LRRC7: variants seen among roughly 807,000 people sequenced by gnomAD.
The protein encoded by LRRC7 is leucine rich repeat containing 7, also known as leucine-rich repeat-containing protein 7.
In LRRC7, 23 loss-of-function variants were observed where a neutral mutation model predicts 175.7. The observed-to-expected ratio is 0.13, with a 90% confidence interval of 0.09 to 0.19. The LOEUF is 0.19. Ranked by LOEUF, LRRC7 falls within the 10% of genes least tolerant of loss-of-function variation. The pLI is 1.00. For missense variants in LRRC7, 1,354 were observed against 1,904.7 expected, an observed-to-expected ratio of 0.71 and a Z score of 5.38; for synonymous variants, 685 against 680.9, an observed-to-expected ratio of 1.01 and a Z score of -0.09.
chr1:69,856,243 G>C (rs1046912619), intron 7 of LRRC7, among the ~76,000 whole-genome samples: 1 of 151,942 alleles, frequency 6.6e-6, no homozygotes, highest in African/African-American at 2.4e-5. Context: ...GCTAGCAGAA[G>C]GTAAGAAATA....
chr1:69,927,732 A>G (rs1647131703), intron 7 of LRRC7, among the ~76,000 whole-genome samples: 1 of 152,102 alleles, frequency 6.6e-6, no homozygotes, highest in African/African-American at 2.4e-5. Flanking sequence ...AAAATTTTTA[A>G]CTTCTTTGCC....
chr1:69,845,640 T>A (rs1288786572), intron 7 of LRRC7, among the ~76,000 whole-genome samples: 5 of 152,112 alleles, frequency 3.3e-5, no homozygotes, highest in African/African-American at 1.2e-4. Flanking sequence ...AAGTCATGTT[T>A]CCATTCTCAT....
intron 7 of LRRC7, among the ~76,000 whole-genome samples, chr1:69,886,169 C>A (rs1176487734): frequency 6.6e-6 from 1 of 151,786 alleles, no homozygotes; most frequent in African/African-American, 2.4e-5. Flanking sequence ...TCCTGGGTAT[C>A]CTTGTTAACT....
intron 1 of LRRC7, among the ~76,000 whole-genome samples, chr1:69,654,464 C>G (rs1189001867): frequency 1.3e-5 from 2 of 151,902 alleles, no homozygotes; most frequent in Admixed American, 6.6e-5. Context: ...CCTGATAGAG[C>G]CTTGCTTCCA....
intron 1 of LRRC7, among the ~76,000 whole-genome samples, chr1:69,569,803 G>A (rs1198692326): frequency 2.0e-5 from 3 of 150,072 alleles, no homozygotes; most frequent in Non-Finnish European, 2.9e-5. Flanking sequence ...GCTCGAGGCA[G>A]AGAAGAGACG....
intron 25 of LRRC7, among the ~76,000 whole-genome samples, chr1:70,104,594 A>G (rs1665020901): frequency 1.3e-5 from 2 of 152,180 alleles, no homozygotes; most frequent in Non-Finnish European, 2.9e-5. Context: ...TTAGTTAATG[A>G]AGCTTATTGA....
chr1:70,012,075 A>G (rs1037554145), intron 12 of LRRC7, 149 bp downstream of exon 12: 6 of 457,740 alleles, frequency 1.3e-5, no homozygotes, highest in Admixed American at 4.0e-5. Context: ...TAATTATTCT[A>G]TTTTAAATGA....
At chr1:69,725,250 A>C (rs1666820180) in intron 2 of LRRC7, among the ~76,000 whole-genome samples, 1 of 152,080 alleles carries the variant, frequency 6.6e-6, no homozygotes, top group African/African-American at 2.4e-5. Context: ...CACATTGAGT[A>C]GGGGGAGGAG....
intron 23 of LRRC7, among the ~76,000 whole-genome samples, chr1:70,055,911 T>C (rs1661114201): frequency 6.6e-6 from 1 of 152,144 alleles, no homozygotes; most frequent in Admixed American, 6.5e-5. Flanking sequence ...CAAAACAATC[T>C]TGTGATTGGA....
intron 2 of LRRC7, among the ~76,000 whole-genome samples, chr1:69,694,714 TG>T (rs1662338746): frequency 6.9e-6 from 1 of 143,992 alleles, no homozygotes; most frequent in Non-Finnish European, 1.5e-5. Flanking sequence ...GAGATCTGGT[TG>T]TTTAAAAGAG....
At chr1:70,095,039 C>T (rs926987222) in intron 25 of LRRC7, among the ~76,000 whole-genome samples, 1 of 152,214 alleles carries the variant, frequency 6.6e-6, no homozygotes, top group South Asian at 2.1e-4. Context: ...TGTGCAGCTA[C>T]TAGACAAATA....
intron 23 of LRRC7, among the ~76,000 whole-genome samples, chr1:70,062,958 A>G (rs1661695307): frequency 1.3e-5 from 2 of 152,136 alleles, no homozygotes; most frequent in African/African-American, 4.8e-5. Flanking sequence ...TGAATAAAAT[A>G]TTGTTTAATT....
chr1:69,726,293 T>C (rs1666969976), intron 2 of LRRC7, among the ~76,000 whole-genome samples: 1 of 151,926 alleles, frequency 6.6e-6, no homozygotes, highest in African/African-American at 2.4e-5. Flanking sequence ...GAGGAAAGAG[T>C]TTCCTTGAAA....
rs189241451 is a variant in LRRC7, at chr1:69,758,617, G to A, written c.101-1574G>A. Among the ~76,000 whole-genome samples, 24 of 152,036 alleles carry A rather than the reference G, an allele frequency of 1.6e-4. 1 individual carries two copies. Among genetic ancestry groups the A allele is most frequent in the Admixed American group, 1.2e-3 (18 of 15,232 alleles). ...TTATTTCATCACCCAGATAATGAACGTAATACCCAACAGGTAGTTTTTTGA... is the reference window on the plus strand; with the variant it reads ...TTATTTCATCACCCAGATAATGAACATAATACCCAACAGGTAGTTTTTTGA... On this transcript the variant is annotated intron_variant, in intron 2 of 26. Transcript: ENST00000651989.
At position 69,924,278 on chromosome 1, in the gene LRRC7, C is replaced by T. The variant is rs914446107; in HGVS notation, c.648-7229C>T. On this transcript the variant is annotated intron_variant, in intron 7 of 26. Coordinates refer to ENST00000651989, the MANE Select transcript of LRRC7 (RefSeq NM_001370785.2). Reference sequence around the variant, plus strand: ...TTCTTTTGGCTTAGGATTGCCTTGGCGATGCGGGCTCTTTTTTGGTTCCAT... The same window carrying T: ...TTCTTTTGGCTTAGGATTGCCTTGGTGATGCGGGCTCTTTTTTGGTTCCAT... Among the ~76,000 whole-genome samples, 40 of 152,008 alleles carry T rather than the reference C, an allele frequency of 2.6e-4. 1 individual carries two copies. The highest frequency in any genetic ancestry group is 1.8e-3 in the Admixed American group (27 of 15,252).
chr1:69,762,793 A>G (rs970414149), intron 3 of LRRC7, among the ~76,000 whole-genome samples: 2 of 152,094 alleles, frequency 1.3e-5, no homozygotes, highest in Admixed American at 6.6e-5. Flanking sequence ...AACAATAATT[A>G]AAAATAATAT....
chr1:69,794,953 C>A (rs915850072), intron 4 of LRRC7, among the ~76,000 whole-genome samples: 3 of 152,114 alleles, frequency 2.0e-5, no homozygotes, highest in African/African-American at 7.2e-5. Flanking sequence ...AAAAGTCATG[C>A]AAAAGATGGC....
intron 4 of LRRC7, among the ~76,000 whole-genome samples, chr1:69,809,624 G>A (rs556180032): frequency 4.6e-4 from 70 of 152,212 alleles, no homozygotes; most frequent in African/African-American, 1.6e-3. Context: ...TTCAACACAC[G>A]CAAATCAGCA....
intron 1 of LRRC7, among the ~76,000 whole-genome samples, chr1:69,626,233 A>C (rs1435366317): frequency 6.6e-6 from 1 of 152,078 alleles, no homozygotes; most frequent in Non-Finnish European, 1.5e-5. Flanking sequence ...TTGGCCCCAA[A>C]AGATTGTCAG....
Sources: gnomAD v4.1 joint callset for allele counts (sites outside exome capture counted in the v4.1 genomes callset) on GRCh38, gnomAD v4.1.1 for gene constraint, MANE v1.5 for transcripts, NCBI Gene and HGNC (gene_info 2026-07-23, HGNC 2026-07-21) for gene names.